STXBP3: variants seen among roughly 807,000 people sequenced by gnomAD.
The protein encoded by STXBP3 is syntaxin-binding protein 3.
A neutral mutation model predicts 85.7 loss-of-function variants in STXBP3; 41 were observed. The observed-to-expected ratio is 0.48, with a 90% CI of 0.37 to 0.62. The LOEUF (loss-of-function observed/expected upper bound fraction) is 0.62. Among genes scored for constraint, STXBP3 ranks in the 20% least tolerant of loss-of-function variants. STXBP3 has a pLI of 0.00. For missense variants in STXBP3, 563 were observed against 703.1 expected (o/e 0.80, Z 2.25); for synonymous variants, 229 against 231.7 (o/e 0.99, Z 0.10).
chr1:108,763,690 C>T (rs1662198098), intron 6 of STXBP3, among the ~76,000 whole-genome samples: 1 of 152,078 alleles, frequency 6.6e-6, no homozygotes, highest in Non-Finnish European at 1.5e-5. Context: ...ATTCTCCTGC[C>T]TCAGCCTCCC....
At chr1:108,780,764 C>CT (rs36126153) in intron 9 of STXBP3, 2,233 of 137,078 alleles carry the variant, frequency 0.016, 106 homozygotes, top group African/African-American at 0.055. Flanking sequence ...TTTAAATTTA[C>CT]TTTTTTTTTT....
rs553603768 is a variant in STXBP3 at position 108,764,732 on chromosome 1, GT to G, written c.438+4655del. Among the ~76,000 whole-genome samples the G allele has an allele frequency of 7.2e-4, 110 of 151,738 alleles. No homozygotes were observed. In the South Asian group the frequency reaches 8.3e-3, roughly 11 times the overall value. ...GATATCCTTTGCCCACTTTTTAATG[GT>G]TTTTTTTCTTGTAAATTTAAGTTCC... On this transcript the variant is annotated intron_variant, in intron 6 of 18. Coordinates refer to ENST00000370008, the MANE Select transcript of STXBP3 (RefSeq NM_007269.4).
At chr1:108,770,382 C>T (rs552780551) in intron 6 of STXBP3, among the ~76,000 whole-genome samples, 41 of 152,204 alleles carry the variant, frequency 2.7e-4, no homozygotes, top group African/African-American at 8.7e-4. Flanking sequence ...GGCGGCCGTG[C>T]GATAAATGTT....
At chr1:108,808,188 G>T (rs12409133) in intron 18 of STXBP3, among the ~76,000 whole-genome samples, 57,753 of 152,132 alleles carry the variant, frequency 0.38, 11,394 homozygotes, top group Middle Eastern at 0.48. Flanking sequence ...ATATGGACAT[G>T]ACATTGGCAA....
intron 7 of STXBP3, among the ~76,000 whole-genome samples, chr1:108,773,324 TC>T (rs1174198895): frequency 1.3e-5 from 2 of 152,170 alleles, no homozygotes; most frequent in African/African-American, 4.8e-5. Context: ...GCCTAAATTG[TC>T]TATACAGTAA....
chr1:108,759,921 A>G (rs1662101528), intron 5 of STXBP3, 64 bp from the exon 6 acceptor site: 2 of 984,486 alleles, frequency 2.0e-6, no homozygotes, highest in African/African-American at 3.4e-5. Context: ...GGATGTTGGA[A>G]TGATTTATTT....
At chr1:108,771,166 T>A (rs558260938) in intron 6 of STXBP3, among the ~76,000 whole-genome samples, 144 of 151,422 alleles carry the variant, frequency 9.5e-4, no homozygotes, top group African/African-American at 3.3e-3. Context: ...TAGTACAATC[T>A]GTGTATGAAA....
intron 17 of STXBP3, among the ~76,000 whole-genome samples, chr1:108,805,674 C>T (rs1663315235): frequency 1.3e-5 from 2 of 152,308 alleles, no homozygotes; most frequent in Admixed American, 6.5e-5. Context: ...CCGCCCACCT[C>T]GGCCTCCCGA....
chr1:108,760,142 T>TTA, intron 6 of STXBP3, 57 bp downstream of exon 6: 1 of 958,450 alleles, frequency 1.0e-6, no homozygotes, highest in Non-Finnish European at 1.6e-6. Flanking sequence ...GTTTTATGGC[T>TTA]TATTGTTAAT....
At chr1:108,771,442 C>CA (rs1553196394) in intron 6 of STXBP3, among the ~76,000 whole-genome samples, 33 of 24,300 alleles carry the variant, frequency 1.4e-3, no homozygotes, top group African/African-American at 7.0e-3. Flanking sequence ...TGATATATAT[C>CA]TATATATATC....
At position 108,758,640 on chromosome 1, in the gene STXBP3, A is replaced by T. The variant is rs755631032; in HGVS notation, c.337+52A>T. The T allele has an allele frequency of 3.6e-6, 4 of 1,096,106 alleles. No individual in the cohort carries two copies. The South Asian group carries it at 8.1e-5, about 22-fold the overall frequency. 67.9% of individuals were successfully genotyped at this position (1,096,106 alleles called of 1,614,324 possible). ...CATTGTTCAAAATGCCATTGGTTTT[A>T]AACTGTCGACTTTTTAAAAATCAGC... On this transcript the variant is annotated intron_variant, in intron 5 of 18. Transcript: ENST00000370008.
intron 4 of STXBP3, 129 bp from the exon 5 acceptor site, chr1:108,758,381 A>C: frequency 2.3e-6 from 1 of 435,682 alleles, no homozygotes; most frequent in Non-Finnish European, 4.0e-6. Context: ...AAATCAGTTT[A>C]TAAATTAAAC....
intron 11 of STXBP3, among the ~76,000 whole-genome samples, 197 bp downstream of exon 11, chr1:108,782,903 T>C (rs770951512): frequency 6.6e-6 from 1 of 152,156 alleles, no homozygotes; most frequent in Non-Finnish European, 1.5e-5. Flanking sequence ...AAAATTTTTT[T>C]ATTTTATTTT....
At chr1:108,806,642 G>A (rs1162203563) in intron 17 of STXBP3, among the ~76,000 whole-genome samples, 5 of 152,042 alleles carry the variant, frequency 3.3e-5, no homozygotes, top group African/African-American at 4.8e-5. Flanking sequence ...TCCTACCATC[G>A]TAGGTTCCTG....
At chr1:108,755,852 G>C (rs1001141632) in intron 3 of STXBP3, among the ~76,000 whole-genome samples, 1 of 152,080 alleles carries the variant, frequency 6.6e-6, no homozygotes, top group Non-Finnish European at 1.5e-5. Flanking sequence ...TCTAGTAGTA[G>C]TTATGATAAA....
intron 6 of STXBP3, among the ~76,000 whole-genome samples, chr1:108,769,635 TAAA>T (rs1180823901): frequency 1.3e-5 from 2 of 152,150 alleles, no homozygotes; most frequent in South Asian, 2.1e-4. Context: ...GCAGTAGTCT[TAAA>T]AAACTTTTAA....
At chr1:108,750,335 A>G (rs1389091135) in intron 1 of STXBP3, among the ~76,000 whole-genome samples, 1 of 152,172 alleles carries the variant, frequency 6.6e-6, no homozygotes, top group Non-Finnish European at 1.5e-5. Context: ...TCTAGAAGCC[A>G]GCGCTTTTGG....
At chr1:108,796,442 G>A (rs1165659776) in intron 14 of STXBP3, 70 bp downstream of exon 14, 1 of 1,255,120 alleles carries the variant, frequency 8.0e-7, no homozygotes, top group African/African-American at 1.5e-5. Flanking sequence ...AAAACTGAAA[G>A]ATAGTTGCTG....
At chr1:108,773,635 A>T (rs762664002) in intron 7 of STXBP3, among the ~76,000 whole-genome samples, 1 of 152,108 alleles carries the variant, frequency 6.6e-6, no homozygotes, top group Non-Finnish European at 1.5e-5. Flanking sequence ...ACCCACCCAG[A>T]TTATAGGATA....
Sources: gnomAD v4.1 joint callset for allele counts (sites outside exome capture counted in the v4.1 genomes callset) on GRCh38, gnomAD v4.1.1 for gene constraint, MANE v1.5 for transcripts, NCBI Gene and HGNC (gene_info 2026-07-23, HGNC 2026-07-21) for gene names.